MUC4: variants seen among roughly 807,000 people sequenced by gnomAD.
MUC4 encodes the protein mucin 4, cell surface associated.
MUC4 carries 202 observed loss-of-function variants against 257.9 expected under a neutral mutation model. The observed-to-expected ratio is 0.78, with a 90% CI of 0.70 to 0.88. The LOEUF (loss-of-function observed/expected upper bound fraction) is 0.88. MUC4 is among the 40% of genes least tolerant of loss of function. The pLI, the probability that MUC4 is intolerant of heterozygous loss-of-function variation, is 0.00. For missense variants in MUC4, 5,976 were observed against 6,513.7 expected (o/e 0.92, Z 2.84); for synonymous variants, 2,351 against 2,757.1 (o/e 0.85, Z 4.62).
chr3:195,764,287 G>C (rs1719924663), intron 10 of MUC4, 123 bp from the exon 11 acceptor site: 2 of 1,169,768 alleles, frequency 1.7e-6, no homozygotes, highest in South Asian at 2.9e-5. Flanking sequence ...GCAGGGCAGG[G>C]CGGTGTTGGT....
intron 4 of MUC4, among the ~76,000 whole-genome samples, chr3:195,773,217 CCTCT>C (rs1321345033): frequency 8.9e-5 from 13 of 146,164 alleles, no homozygotes; most frequent in Non-Finnish European, 1.7e-4. Flanking sequence ...GGGGTGGAAA[CCTCT>C]CTCTATCACT....
rs560897359 is a variant in MUC4, at chr3:195,779,636, C to T, written c.11944G>A (p.Ala3982Thr). 4.3e-3 allele frequency: 2,298 copies of T among 536,202 alleles called. 518 individuals are homozygous for T. The African/African-American group carries it at 0.049, about 11-fold the overall frequency. 33.2% of individuals were successfully genotyped at this position (536,202 alleles called of 1,614,324 possible). The change falls in exon 2 of 25, where the codon GCC (alanine) becomes ACC (threonine). Residue 3982 changes from alanine to threonine, a missense_variant. By Grantham distance (58) the Ala-to-Thr change is moderately conservative (BLOSUM62 0). Transcript: ENST00000463781. ...TSRSSASTGH[A>T]TPLPVTDTSS... ...GTGTCGGTGACAGGAAGGGGGGTGG[C>T]GTGACCTGTGGATGCTGAGGAACGG...
chr3:195,767,486 CCACCAT>C (rs1438035605), intron 7 of MUC4, among the ~76,000 whole-genome samples: 10 of 121,694 alleles, frequency 8.2e-5, no homozygotes, highest in Admixed American at 2.5e-4. Flanking sequence ...ACCATCACCA[CCACCAT>C]CACCATCACC....
intron 20 of MUC4, 119 bp from the exon 21 acceptor site, chr3:195,752,565 A>C: frequency 7.2e-6 from 6 of 835,724 alleles, no homozygotes; most frequent in Non-Finnish European, 1.2e-5. Flanking sequence ...TCACTGAAGA[A>C]ACCGGGAGAA....
intron 1 of MUC4, among the ~76,000 whole-genome samples, chr3:195,807,962 G>T (rs1303107597): frequency 6.6e-6 from 1 of 152,232 alleles, no homozygotes; most frequent in Non-Finnish European, 1.5e-5. Context: ...CACAGGCAGG[G>T]AGCGGTGAGG....
chr3:195,811,204 C>T lies in MUC4; in HGVS notation c.82+532G>A, dbSNP rs1736689657. ...ATTTATTTATTTTGAGACAGAGTCTCGCTCTCTCTCCCAGGCTGGAGTGCA... is the reference window on the plus strand; with the variant it reads ...ATTTATTTATTTTGAGACAGAGTCTTGCTCTCTCTCCCAGGCTGGAGTGCA... On this transcript the variant is annotated intron_variant, in intron 1 of 24. Transcript: ENST00000463781. Among the ~76,000 whole-genome samples the T allele has an allele frequency of 3.3e-5, 5 of 151,586 alleles. No individual in the cohort carries two copies. The South Asian group carries it at 8.3e-4, about 25-fold the overall frequency.
At chr3:195,751,628 C>G in intron 21 of MUC4, 3 of 282,358 alleles carry the variant, frequency 1.1e-5, no homozygotes, top group Non-Finnish European at 2.0e-5. Context: ...AGGAGATGGT[C>G]GGGGCTGGGG....
intron 16 of MUC4, among the ~76,000 whole-genome samples, chr3:195,759,986 T>C (rs1718449016): frequency 7.7e-6 from 1 of 129,694 alleles, no homozygotes; most frequent in Non-Finnish European, 1.7e-5. Context: ...TGTCCAGAAA[T>C]AGAGAGGGAG....
At position 195,788,079 on chromosome 3, in the gene MUC4, G is replaced by C. The variant is rs1196790989; in HGVS notation, c.3501C>G (p.Thr1167=). The C allele has an allele frequency of 2.0e-6, 3 of 1,487,230 alleles. No individual in the cohort carries two copies. Among genetic ancestry groups the C allele is most frequent in the African/African-American group, 1.6e-5 (1 of 63,290 alleles). The allele number at this position is 1,487,230 out of a possible 1,614,324, so 92.1% of individuals were successfully genotyped here. The change falls in exon 2 of 25, where the codon ACC becomes ACG. Residue 1167 remains threonine, a synonymous_variant. Transcript: ENST00000463781. ...AGGAAAGGCTGGTGACAGGAAGAGG[G>C]GTGGCCTGACCTGTGGATGCTGAGG... is the stretch of plus-strand genomic sequence containing the variant. ...DASSASTGQA[T]PLPVTSLSSV...
Position 195,787,950 on chromosome 3 carries a change from G to T in MUC4, c.3630C>A (p.Ser1210=). The T allele has an allele frequency of 5.1e-6, 6 of 1,174,264 alleles. No homozygotes were observed. The highest frequency in any genetic ancestry group is 6.9e-6 in the Non-Finnish European group (6 of 871,932). 72.7% of individuals were successfully genotyped at this position (1,174,264 alleles called of 1,614,324 possible). Reference sequence around the variant, plus strand: ...CAGGAAGAGGGGTGGCGTGTCCTGTGGATGCTGAGGAAGTGTCGGTGACAA... The same window carrying T: ...CAGGAAGAGGGGTGGCGTGTCCTGTTGATGCTGAGGAAGTGTCGGTGACAA... ...PLLVTDTSSA[S]TGHATPLPVT... Residue 1210 remains serine (S), a synonymous_variant, in exon 2 of 25, where the codon TCC becomes TCA. Coordinates refer to ENST00000463781, the MANE Select transcript of MUC4 (RefSeq NM_018406.7).
intron 12 of MUC4, 128 bp downstream of exon 12, chr3:195,763,304 TG>T: frequency 2.1e-6 from 2 of 933,456 alleles, no homozygotes; most frequent in Non-Finnish European, 3.0e-6. Context: ...GCTGCGTGGA[TG>T]GGCTGTGTCC....
At position 195,788,737 on chromosome 3, in the gene MUC4, G is replaced by A. The variant is rs1257715096; in HGVS notation, c.2843C>T (p.Thr948Ile). 11 of 1,612,096 alleles carry A rather than the reference G, an allele frequency of 6.8e-6. No individual in the cohort carries two copies. Among genetic ancestry groups the A allele is most frequent in the Admixed American group, 1.7e-5 (1 of 59,798 alleles). ...AGTGTGGGTCTCGGTTTGTGGAGAT[G>A]TAAGCCCAGTGGATGTGATCGATGG... ...TPPSITSTGL[T>I]SPQTETHTLS... is the part of the protein sequence containing the mutation. Residue 948 changes from threonine to isoleucine, a missense_variant, in exon 2 of 25, where the codon ACA (threonine) becomes ATA (isoleucine). Physicochemically the swap from Thr to Ile is moderately conservative, Grantham distance 89 (BLOSUM62 -1). Transcript: ENST00000463781.
intron 4 of MUC4, among the ~76,000 whole-genome samples, chr3:195,772,246 G>A (rs760001190): frequency 1.5e-4 from 22 of 151,696 alleles, no homozygotes; most frequent in Non-Finnish European, 2.7e-4. Flanking sequence ...GCTCAGGGGT[G>A]TAGACACCCT....
rs199954783 is a variant in MUC4 at position 195,779,973 on chromosome 3, G to T, written c.11607C>A (p.His3869Gln). 40 of 1,442,572 alleles carry T rather than the reference G, an allele frequency of 2.8e-5. 2 individuals are homozygous for T. The South Asian group carries it at 3.9e-4, about 14-fold the overall frequency. The allele number at this position is 1,442,572 out of a possible 1,614,324, so 89.4% of individuals were successfully genotyped here. A position where few individuals can be genotyped will look rare whatever the true frequency, so the allele number is the denominator to read the frequency against. ...VTSPSSASTG[H>Q]ATPLPVTGLS... ...GGCCGGTAACAGGAAGAGGGGTGGC[G>T]TGACCTGTGGATGCTGAGGAAGGGC... The change falls in exon 2 of 25, where the codon CAC (histidine) becomes CAA (glutamine). Residue 3869 changes from histidine (H) to glutamine (Q), a missense_variant. Coordinates refer to ENST00000463781, the MANE Select transcript of MUC4 (RefSeq NM_018406.7).
At chr3:195,778,533 G>A (rs931628671) in intron 2 of MUC4, 78 bp from the exon 3 acceptor site, 3 of 1,568,116 alleles carry the variant, frequency 1.9e-6, no homozygotes, top group Admixed American at 3.9e-5. Flanking sequence ...AAAGAAATCA[G>A]GAGCTGGAAG....
rs150901058 is a variant in MUC4 at position 195,748,934 on chromosome 3, C to T, written c.16002G>A (p.Gln5334=). The change falls in exon 24 of 25, where the codon CAG becomes CAA. Residue 5334 remains glutamine, a synonymous_variant. Coordinates refer to ENST00000463781, the MANE Select transcript of MUC4 (RefSeq NM_018406.7). ...CSRGYCDHGG[Q]CQHLPSGPRC... ...GGGGCCCACTGGGCAGGTGCTGGCA[C>T]TGGCCTCCATGGTCACAGTAGCCCC... 6.3e-7 allele frequency: 1 copy of T among 1,596,874 alleles called. No homozygotes were observed. The highest frequency in any genetic ancestry group is 8.5e-7 in the Non-Finnish European group (1 of 1,171,758).
In MUC4 at chr3:195,811,140, AT is replaced by A. The variant is rs1438051300; in HGVS notation, c.82+595del. Among the ~76,000 whole-genome samples, 3 of 144,764 alleles carry A rather than the reference AT, an allele frequency of 2.1e-5. No individual in the cohort carries two copies. The South Asian group carries it at 6.6e-4, about 32-fold the overall frequency. The allele number at this position is 144,764 out of a possible 152,430, so 95.0% of individuals were successfully genotyped here. A position where few individuals can be genotyped will look rare whatever the true frequency, so the allele number is the denominator to read the frequency against. On this transcript the variant is annotated intron_variant, in intron 1 of 24. Coordinates refer to ENST00000463781, the MANE Select transcript of MUC4 (RefSeq NM_018406.7). ...TTCTCCTCTTCTTATTTTTTATTTTATTTTATATTTATTTATTTATTTATTT... is the reference window on the plus strand; with the variant it reads ...TTCTCCTCTTCTTATTTTTTATTTTATTTATATTTATTTATTTATTTATTT...
chr3:195,768,100 G>C (rs1049554503), intron 7 of MUC4, among the ~76,000 whole-genome samples: 1 of 152,116 alleles, frequency 6.6e-6, no homozygotes, highest in Non-Finnish European at 1.5e-5. Flanking sequence ...CCTCCTCCCT[G>C]ACACAAGCAG....
At chr3:195,807,298 A>G (rs1263213406) in intron 1 of MUC4, among the ~76,000 whole-genome samples, 1 of 152,068 alleles carries the variant, frequency 6.6e-6, no homozygotes, top group African/African-American at 2.4e-5. Context: ...GTGAAACCCC[A>G]TCTCTACTAA....
Sources: gnomAD v4.1 joint callset for allele counts (sites outside exome capture counted in the v4.1 genomes callset) on GRCh38, gnomAD v4.1.1 for gene constraint, MANE v1.5 for transcripts, NCBI Gene and HGNC (gene_info 2026-07-23, HGNC 2026-07-21) for gene names.